Variants in GDF5 observed in about 807,000 individuals in gnomAD.
GDF5 encodes the protein growth/differentiation factor 5.
A neutral mutation model predicts 34.6 loss-of-function variants in GDF5; 17 were observed. That is an observed-to-expected ratio of 0.49 (90% confidence interval 0.34 to 0.74). The LOEUF (loss-of-function observed/expected upper bound fraction) is 0.74, where lower values mean the gene tolerates loss of function less well. Among genes scored for constraint, GDF5 ranks in the 30% least tolerant of loss-of-function variants. The pLI is 0.01. For synonymous variants in GDF5, 332 were observed against 290.7 expected, an observed-to-expected ratio of 1.14 and a Z score of -1.44; for missense variants, 616 against 661.2, an observed-to-expected ratio of 0.93 and a Z score of 0.75.
At chr20:35,438,863 ATGTGCCTGTGTGTG>A (rs1191301407), upstream of GDF5, among the ~76,000 whole-genome samples, 60 of 144,368 alleles carry the variant, frequency 4.2e-4, 1 homozygote, top group Middle Eastern at 3.4e-3. Context: ...GTGTGTGTTT[ATGTGCCTGTGTGTG>A]TGTGTGCCTG....
chr20:35,434,311 G>T lies in GDF5; in HGVS notation c.1104C>A (p.Thr368=), dbSNP rs748907807. The change falls in exon 2 of 2, where the codon ACC becomes ACA. Residue 368 remains threonine, a synonymous_variant. Transcript: ENST00000374369. ...GCTGGCTGAACAGGTACTCATACACGGTCTTATCGTCCTGGCCAGAGCGGG... is the reference window on the plus strand; with the variant it reads ...GCTGGCTGAACAGGTACTCATACACTGTCTTATCGTCCTGGCCAGAGCGGG... ...IKARSGQDDK[T]VYEYLFSQRR... is the part of the protein sequence containing the mutation. The T allele has an allele frequency of 1.2e-6, 2 of 1,614,102 alleles. No individual in the cohort carries two copies. The highest frequency in any genetic ancestry group is 4.5e-5 in the East Asian group (2 of 44,890).
rs1288207487 is a variant in GDF5 at position 35,434,030 on chromosome 20, G to A, written c.1385C>T (p.Pro462Leu). Residue 462 changes from proline to leucine, a missense_variant, in exon 2 of 2, where the codon CCA becomes CTA. Physicochemically the swap from Pro to Leu is moderately conservative, Grantham distance 98. Coordinates refer to ENST00000374369, the MANE Select transcript of GDF5 (RefSeq NM_000557.5). Reference sequence around the variant, plus strand: ...CCGCGTGGGCACACAGCAGGTGGGTGGTGTGGACTCGGGGTCCATGGAGTT... The same window carrying A: ...CCGCGTGGGCACACAGCAGGTGGGTAGTGTGGACTCGGGGTCCATGGAGTT... The part of the protein sequence containing the change: ...LMNSMDPEST[P>L]PTCCVPTRLS... The A allele has an allele frequency of 2.5e-6, 4 of 1,614,056 alleles. No individual in the cohort carries two copies. Among genetic ancestry groups the A allele is most frequent in the Non-Finnish European group, 2.5e-6 (3 of 1,180,016 alleles).
chr20:35,438,859 GTTTA>G (rs1296768692), upstream of GDF5, among the ~76,000 whole-genome samples: 171 of 11,824 alleles, frequency 0.014, 1 homozygote, highest in Admixed American at 0.059. Context: ...GTGTGTGTGT[GTTTA>G]TGTGCCTGTG....
At chr20:35,451,200 G>A (rs1214488426) in intron 1 of GDF5, among the ~76,000 whole-genome samples, 3 of 151,176 alleles carry the variant, frequency 2.0e-5, no homozygotes, top group African/African-American at 7.3e-5. Flanking sequence ...GCATGGGCTA[G>A]GAGGAATATG....
intron 1 of GDF5, among the ~76,000 whole-genome samples, chr20:35,451,572 T>G (rs6119609): frequency 0.64 from 93,157 of 146,144 alleles, 31,324 homozygotes; most frequent in Non-Finnish European, 0.75. Context: ...TTTTTTTCTG[T>G]TTTTTTTTCC....
Position 35,438,034 on chromosome 20 carries a change from G to C in GDF5, c.-106C>G, listed in dbSNP as rs1335977298. The C allele has an allele frequency of 2.3e-6, 3 of 1,284,084 alleles. No homozygotes were observed. The highest frequency in any genetic ancestry group is 3.0e-5 in the African/African-American group (2 of 67,424). The allele number at this position is 1,284,084 out of a possible 1,614,324, so 79.5% of individuals were successfully genotyped here. ...AAAGGAGTGGACTTTCAAAAGCAGC[G>C]GCAGCAGCAGTAGCAGCAGAAGGAA... On this transcript the variant is annotated 5_prime_UTR_variant, in exon 1 of 2. Coordinates refer to ENST00000374369, the MANE Select transcript of GDF5 (RefSeq NM_000557.5).
At chr20:35,439,000 T>C (rs1367233460), upstream of GDF5, among the ~76,000 whole-genome samples, 1 of 151,710 alleles carries the variant, frequency 6.6e-6, no homozygotes, top group South Asian at 2.1e-4. Context: ...GACTGAAAAA[T>C]ATCAGTGCCC....
chr20:35,444,882 C>T (rs1017347036), intron 1 of GDF5, among the ~76,000 whole-genome samples: 7 of 152,094 alleles, frequency 4.6e-5, no homozygotes, highest in Admixed American at 2.0e-4. Flanking sequence ...CATGGGCCAC[C>T]GCACCCCGTC....
chr20:35,449,714 C>T (rs2062524582), intron 1 of GDF5, among the ~76,000 whole-genome samples: 1 of 152,132 alleles, frequency 6.6e-6, no homozygotes, highest in African/African-American at 2.4e-5. Flanking sequence ...TTCAGCGCGG[C>T]AGCTCAAGCC....
At chr20:35,438,976 T>C (rs1042967730), upstream of GDF5, among the ~76,000 whole-genome samples, 7 of 151,858 alleles carry the variant, frequency 4.6e-5, no homozygotes, top group African/African-American at 1.5e-4. Context: ...TTAATAAACT[T>C]GTGGTGACCC....
rs200020461 is a variant in GDF5, at chr20:35,437,576, G to A, written c.353C>T (p.Thr118Ile). Reference sequence around the variant, plus strand: ...TCCTTTTGGGGTCACAGTCCGGGCTGTAGCCTGCCTTGTTTGGGGAGGGTG... The same window carrying A: ...TCCTTTTGGGGTCACAGTCCGGGCTATAGCCTGCCTTGTTTGGGGAGGGTG... ...PGHPPQTRQA[T>I]ARTVTPKGQL... The change falls in exon 1 of 2, where the codon ACA becomes ATA. Residue 118 changes from threonine (T) to isoleucine (I), a missense_variant. By Grantham distance (89) the Thr-to-Ile change is moderately conservative. Transcript: ENST00000374369. 1.9e-6 allele frequency: 3 copies of A among 1,614,188 alleles called. No homozygotes were observed. Among genetic ancestry groups the A allele is most frequent in the South Asian group, 2.2e-5 (2 of 91,088 alleles).
rs1195266201 is a variant in GDF5 at position 35,444,945 on chromosome 20, G to A, written c.-397-3558C>T. Among the ~76,000 whole-genome samples, 10 of 151,600 alleles carry A rather than the reference G, an allele frequency of 6.6e-5. No individual in the cohort carries two copies. The South Asian group carries it at 2.1e-3, about 32-fold the overall frequency. On this transcript the variant is annotated intron_variant, in intron 1 of 3. Transcript: ENST00000374372. ...GGTTTCACCATATTGGTCAGGCTGG[G>A]CTGGTCTCAAACTCCTGACTTCAGG...
intron 1 of GDF5, among the ~76,000 whole-genome samples, chr20:35,451,651 G>A (rs1196234611): frequency 6.7e-6 from 1 of 148,800 alleles, no homozygotes; most frequent in Non-Finnish European, 1.5e-5. Context: ...GGGCCATCAC[G>A]GCTCATTGCA....
At position 35,451,267 on chromosome 20, in the gene GDF5, G is replaced by C. The variant is rs537724881; in HGVS notation, c.-398+3373C>G. Among the ~76,000 whole-genome samples, 7 of 151,804 alleles carry C rather than the reference G, an allele frequency of 4.6e-5. No homozygotes were observed. The East Asian group carries it at 1.4e-3, about 29-fold the overall frequency. On this transcript the variant is annotated intron_variant, in intron 1 of 3. Transcript: ENST00000374372. ...AGATCCATATTATAGCCCTCAGAGA[G>C]GGTTTGAGTACAAGGCATATTTCTA...
chr20:35,443,345 T>A (rs1190212913), intron 1 of GDF5, among the ~76,000 whole-genome samples: 2 of 152,018 alleles, frequency 1.3e-5, no homozygotes, highest in South Asian at 4.1e-4. Flanking sequence ...AATATTAATG[T>A]CAAACTTGAG....
chr20:35,446,185 C>T (rs918189881), intron 1 of GDF5, among the ~76,000 whole-genome samples: 1 of 150,576 alleles, frequency 6.6e-6, no homozygotes, highest in Non-Finnish European at 1.5e-5. Flanking sequence ...TGGCAGGCAC[C>T]TGTAATTCCA....
rs746953093 is a variant in GDF5, at chr20:35,434,285, C to A, written c.1130G>T (p.Arg377Leu). The A allele has an allele frequency of 7.4e-6, 12 of 1,614,070 alleles. No individual in the cohort carries two copies. The highest frequency in any genetic ancestry group is 1.3e-5 in the African/African-American group (1 of 74,938). The change falls in exon 2 of 2, where the codon CGG becomes CTG. Residue 377 changes from arginine (R) to leucine (L), a missense_variant. Transcript: ENST00000374369. Reference protein sequence around the residue: ...KTVYEYLFSQRRKRRAPLATR... With the variant: ...KTVYEYLFSQLRKRRAPLATR... ...GGCCAGTGGGGCCCGCCGTTTTCGC[C>A]GCTGGCTGAACAGGTACTCATACAC...
chr20:35,443,205 A>G (rs138680229), upstream of GDF5, among the ~76,000 whole-genome samples: 1 of 152,210 alleles, frequency 6.6e-6, no homozygotes, highest in Non-Finnish European at 1.5e-5. Context: ...GTGACTAATC[A>G]CTTTGGTTCC....
Position 35,449,740 on chromosome 20 carries a change from T to C in GDF5, c.-398+4900A>G, listed in dbSNP as rs1460946511. 3.9e-5 allele frequency among the ~76,000 whole-genome samples: 6 copies of C among 152,092 alleles called. No individual in the cohort carries two copies. In the East Asian group the frequency reaches 1.2e-3, roughly 29 times the overall value. ...AGCTCAAGCCTATAATCCCAGCACTTTGGGAGGCTAAAGTAGGAACATTGC... is the reference window on the plus strand; with the variant it reads ...AGCTCAAGCCTATAATCCCAGCACTCTGGGAGGCTAAAGTAGGAACATTGC... On this transcript the variant is annotated intron_variant, in intron 1 of 3. Coordinates refer to the GDF5 transcript ENST00000374372.
Sources: allele counts gnomAD v4.1 joint callset (sites outside exome capture counted in the v4.1 genomes callset), GRCh38; gene constraint gnomAD v4.1.1; transcripts MANE v1.5; gene names NCBI Gene and HGNC (gene_info 2026-07-23, HGNC 2026-07-21).